Variants in HAGH observed in about 807,000 individuals in gnomAD.
HAGH encodes the protein hydroxyacylglutathione hydrolase, mitochondrial.
HAGH carries 29 observed loss-of-function variants against 35.1 expected under a neutral mutation model. The ratio of observed to expected loss-of-function variants is 0.83; its 90% confidence interval spans 0.62 to 1.13. HAGH has a LOEUF of 1.13. HAGH is among the 50% of genes most tolerant of loss of function. The pLI, the probability that HAGH is intolerant of heterozygous loss-of-function variation, is 0.00. For missense variants in HAGH, 478 were observed against 419.6 expected, an observed-to-expected ratio of 1.14 and a Z score of -1.22; for synonymous variants, 225 against 176.1, an observed-to-expected ratio of 1.28 and a Z score of -2.20.
At chr16:1,816,085 C>T (rs998583099) in intron 7 of HAGH, among the ~76,000 whole-genome samples, 4 of 148,928 alleles carry the variant, frequency 2.7e-5, no homozygotes, top group South Asian at 2.1e-4. Flanking sequence ...GGATTACAAG[C>T]GTGAGCCACC....
intron 7 of HAGH, among the ~76,000 whole-genome samples, chr16:1,812,818 C>T (rs1025551447): frequency 1.3e-5 from 2 of 152,184 alleles, no homozygotes; most frequent in African/African-American, 2.4e-5. Context: ...CTGCAGGAGG[C>T]GGCCTCTCAC....
Position 1,809,158 on chromosome 16 carries a change from A to C in HAGH, c.*125T>G. ...TTATAAATATGCATTAGAATGTCCG[A>C]TAACACAAGCCAAGGGCTGTAAAAT... is the stretch of plus-strand genomic sequence containing the variant. On this transcript the variant is annotated 3_prime_UTR_variant, in exon 9 of 9. Coordinates refer to ENST00000397356, the MANE Select transcript of HAGH (RefSeq NM_005326.6). The C allele has an allele frequency of 1.5e-6, 1 of 677,420 alleles. No homozygotes were observed. Among genetic ancestry groups the C allele is most frequent in the Non-Finnish European group, 2.6e-6 (1 of 379,064 alleles). The allele number at this position is 677,420 out of a possible 1,614,324, so 42.0% of individuals were successfully genotyped here.
chr16:1,823,077 G>C (rs754382061), intron 1 of HAGH, 40 bp from the exon 2 acceptor site: 9 of 1,591,098 alleles, frequency 5.7e-6, no homozygotes, highest in Non-Finnish European at 7.8e-6. Flanking sequence ...AGCCGCGCCA[G>C]GCCCTCCACG....
chr16:1,819,862 G>C, intron 4 of HAGH, 35 bp downstream of exon 4: 1 of 1,330,834 alleles, frequency 7.5e-7, no homozygotes, highest in Non-Finnish European at 1.1e-6. Flanking sequence ...TCCTGACAGG[G>C]CCACGCTGGA....
intron 3 of HAGH, among the ~76,000 whole-genome samples, chr16:1,821,017 C>G (rs1304574473): frequency 6.6e-6 from 1 of 152,200 alleles, no homozygotes; most frequent in Non-Finnish European, 1.5e-5. Context: ...GGAGCTGCAG[C>G]AAGCTGTGAT....
At chr16:1,819,860 G>T in intron 4 of HAGH, 37 bp downstream of exon 4, 1 of 1,318,304 alleles carries the variant, frequency 7.6e-7, no homozygotes, top group Non-Finnish European at 1.1e-6. Flanking sequence ...GCTCCTGACA[G>T]GGCCACGCTG....
chr16:1,814,696 G>C (rs564649969), intron 7 of HAGH, among the ~76,000 whole-genome samples: 1 of 151,784 alleles, frequency 6.6e-6, no homozygotes, highest in Non-Finnish European at 1.5e-5. Flanking sequence ...TCAGGAGATC[G>C]AGACCTTCCT....
chr16:1,818,659 C>G (rs1468036728), intron 5 of HAGH: 1 of 159,100 alleles, frequency 6.3e-6, no homozygotes. Context: ...CCATGAAGGG[C>G]CCGGCCTACA....
In HAGH at chr16:1,819,932, G is replaced by A. The variant is rs761459797; in HGVS notation, c.397C>T (p.Leu133=). The A allele has an allele frequency of 2.5e-6, 4 of 1,612,694 alleles. No individual in the cohort carries two copies. The highest frequency in any genetic ancestry group is 2.5e-6 in the Non-Finnish European group (3 of 1,178,950). Residue 133 remains leucine, a synonymous_variant, in exon 4 of 9, where the codon CTG becomes TTG. Transcript: ENST00000397356. The part of the protein sequence containing the change: ...VYGGDDRIGA[L]THKITHLSTL... ...GACAGGTGAGTGATCTTGTGAGTCA[G>A]GGCCCCGATACGGTCGTCACCCCCG... is the stretch of plus-strand genomic sequence containing the variant.
At chr16:1,814,201 G>A (rs993063470) in intron 7 of HAGH, among the ~76,000 whole-genome samples, 11 of 152,310 alleles carry the variant, frequency 7.2e-5, no homozygotes, top group South Asian at 2.1e-4. Flanking sequence ...TAGGCCGGGC[G>A]CAGTGGCTCA....
At chr16:1,814,001 G>A (rs1317426554) in intron 7 of HAGH, among the ~76,000 whole-genome samples, 3 of 152,080 alleles carry the variant, frequency 2.0e-5, no homozygotes, top group African/African-American at 4.8e-5. Flanking sequence ...ACTGCGAGAG[G>A]GTGAACCTCT....
chr16:1,809,566 A>G (rs1212955670), intron 8 of HAGH, 184 bp from the exon 9 acceptor site: 2 of 662,566 alleles, frequency 3.0e-6, no homozygotes, highest in South Asian at 3.5e-5. Flanking sequence ...AAGGACTCAC[A>G]CCCCGGCCAA....
upstream of HAGH, chr16:1,827,093 C>G: frequency 8.0e-7 from 1 of 1,252,352 alleles, no homozygotes; most frequent in Non-Finnish European, 1.1e-6. Flanking sequence ...GAGCGCCACG[C>G]CGCCCGGGTA....
At chr16:1,826,849 C>T, upstream of HAGH, 1 of 1,065,776 alleles carries the variant, frequency 9.4e-7, no homozygotes, top group Non-Finnish European at 1.2e-6. Flanking sequence ...GTCGGCGCGT[C>T]GCAGCCAATC....
chr16:1,820,920 T>C (rs189348459), intron 3 of HAGH, among the ~76,000 whole-genome samples: 142 of 152,262 alleles, frequency 9.3e-4, no homozygotes, highest in Non-Finnish European at 1.4e-3. Context: ...GGACTTCACG[T>C]GTCGGCATGA....
At chr16:1,822,430 G>A (rs1898196353) in intron 2 of HAGH, 66 bp from the exon 3 acceptor site, 3 of 1,217,924 alleles carry the variant, frequency 2.5e-6, no homozygotes, top group Non-Finnish European at 3.6e-6. Context: ...TGGCCTATAT[G>A]GTAGGGTGCC....
chr16:1,826,947 TG>T (rs539990790), upstream of HAGH: 434 of 646,540 alleles, frequency 6.7e-4, 4 homozygotes, highest in African/African-American at 4.6e-3. Context: ...CAACTTGTTT[TG>T]TCCGCGAGCC....
At chr16:1,826,473 AGG>A in intron 1 of HAGH, 1 of 807,642 alleles carries the variant, frequency 1.2e-6, no homozygotes, top group Non-Finnish European at 1.5e-6. Context: ...CCGAGCGTGG[AGG>A]CCGCGGCGGA....
rs535028101 is a variant in HAGH, at chr16:1,814,330, C to A, written c.747+2563G>T. On this transcript the variant is annotated intron_variant, in intron 7 of 8. Transcript: ENST00000397356. ...TCTCTACTAAAAATACAAAATTAAC[C>A]GGGTGTGGTGGTGCATGCCTGTAAT... Among the ~76,000 whole-genome samples, 297 of 151,914 alleles carry A rather than the reference C, an allele frequency of 2.0e-3. 1 individual carries two copies. The highest frequency in any genetic ancestry group is 3.3e-3 in the Non-Finnish European group (222 of 67,936).
Sources: allele counts gnomAD v4.1 joint callset (sites outside exome capture counted in the v4.1 genomes callset), GRCh38; gene constraint gnomAD v4.1.1; transcripts MANE v1.5; gene names NCBI Gene and HGNC (gene_info 2026-07-23, HGNC 2026-07-21).